Variants in CPLANE1 observed in about 807,000 individuals in gnomAD.
CPLANE1 encodes the protein ciliogenesis and planar polarity effector complex subunit 1.
In CPLANE1, 263 loss-of-function variants were observed where a neutral mutation model predicts 362.5. The ratio of observed to expected loss-of-function variants is 0.73; its 90% CI spans 0.66 to 0.80. The LOEUF (loss-of-function observed/expected upper bound fraction) is 0.80. CPLANE1 is among the 30% of genes least tolerant of loss of function. CPLANE1 has a pLI of 0.00. For synonymous variants in CPLANE1, 1,212 were observed against 1,302.6 expected, an observed-to-expected ratio of 0.93 and a Z score of 1.50; for missense variants, 3,461 against 3,793.4, an observed-to-expected ratio of 0.91 and a Z score of 2.30.
intron 16 of CPLANE1, chr5:37,212,288 C>A: frequency 8.8e-7 from 1 of 1,142,516 alleles, no homozygotes; most frequent in Non-Finnish European, 1.3e-6. Flanking sequence ...AAAAGATGGT[C>A]CAGGAAGGCT....
At chr5:37,236,881 A>G (rs1447536944) in intron 8 of CPLANE1, among the ~76,000 whole-genome samples, 1 of 152,210 alleles carries the variant, frequency 6.6e-6, no homozygotes, top group African/African-American at 2.4e-5. Flanking sequence ...CATACCAGTC[A>G]GAATGGCTAT....
intron 20 of CPLANE1, among the ~76,000 whole-genome samples, chr5:37,196,573 C>A (rs1787516932): frequency 6.6e-6 from 1 of 152,144 alleles, no homozygotes; most frequent in African/African-American, 2.4e-5. Context: ...TTAAAATAAG[C>A]AAACACATGT....
Position 37,187,798 on chromosome 5 carries a change from GGACAT to G in CPLANE1, c.3851_3855del (p.His1284ProfsTer2). 2 of 1,613,562 alleles carry G rather than the reference GGACAT, an allele frequency of 1.2e-6. No homozygotes were observed. Among genetic ancestry groups the G allele is most frequent in the Non-Finnish European group, 1.7e-6 (2 of 1,179,830 alleles). Reference sequence around the variant, plus strand: ...CTGCAACTATAGGATAACTTATCACGGACATGCAGCATCCAACACAGAGCACAAAG... The same window carrying G: ...CTGCAACTATAGGATAACTTATCACGGCAGCATCCAACACAGAGCACAAAG... On this transcript the variant is annotated frameshift_variant, in exon 22 of 53. Transcript: ENST00000651892.
chr5:37,077,407 G>T, the CPLANE1 span, among the ~76,000 whole-genome samples: 1 of 151,990 alleles, frequency 6.6e-6, no homozygotes, highest in African/African-American at 2.4e-5. Context: ...TACGTCTGTT[G>T]CTGCTGCTTT....
intron 38 of CPLANE1, among the ~76,000 whole-genome samples, chr5:37,159,413 A>G (rs1776244196): frequency 6.6e-6 from 1 of 152,224 alleles, no homozygotes; most frequent in Non-Finnish European, 1.5e-5. Flanking sequence ...GCCCGGCCTA[A>G]TTCACATTCT....
chr5:37,150,328 T>C (rs1248487050), intron 42 of CPLANE1, among the ~76,000 whole-genome samples: 1 of 152,172 alleles, frequency 6.6e-6, no homozygotes, highest in African/African-American at 2.4e-5. Context: ...TTCTCCTCCA[T>C]GTGCTCTCCC....
intron 41 of CPLANE1, among the ~76,000 whole-genome samples, chr5:37,154,954 C>G (rs1202233680): frequency 2.0e-5 from 3 of 152,196 alleles, no homozygotes; most frequent in Admixed American, 1.3e-4. Flanking sequence ...GTTTCACAAG[C>G]CAGAGACCAG....
At chr5:37,164,138 TG>T in intron 37 of CPLANE1, 134 bp downstream of exon 37, 1 of 622,598 alleles carries the variant, frequency 1.6e-6, no homozygotes, top group Non-Finnish European at 2.9e-6. Flanking sequence ...TTGAGGGGGG[TG>T]GAGTATAGGA....
At chr5:37,139,801 T>C in intron 44 of CPLANE1, 1 of 952,856 alleles carries the variant, frequency 1.0e-6, no homozygotes, top group Non-Finnish European at 1.2e-6. Context: ...TCACCTGCCT[T>C]GGCCTCCCAA....
Position 37,158,300 on chromosome 5 carries a change from T to A in CPLANE1, c.7736A>T (p.Tyr2579Phe). The A allele has an allele frequency of 6.2e-7, 1 of 1,613,918 alleles. No homozygotes were observed. The highest frequency in any genetic ancestry group is 8.5e-7 in the Non-Finnish European group (1 of 1,179,902). ...TAPQLLVPDV[Y>F]LNLKLSSEMS... Reference sequence around the variant, plus strand: ...TTCACTGGAAAGCTTCAGATTTAGATAGACATCTGGGACCAAGAGCTGAGG... The same window carrying A: ...TTCACTGGAAAGCTTCAGATTTAGAAAGACATCTGGGACCAAGAGCTGAGG... The change falls in exon 39 of 53, where the codon TAT (tyrosine) becomes TTT (phenylalanine). Residue 2579 changes from tyrosine to phenylalanine, a missense_variant. Tyr to Phe is a conservative substitution (Grantham distance 22). Transcript: ENST00000651892.
chr5:37,230,123 C>T (rs1369810372), intron 9 of CPLANE1, among the ~76,000 whole-genome samples: 1 of 149,392 alleles, frequency 6.7e-6, no homozygotes, highest in Non-Finnish European at 1.5e-5. Flanking sequence ...TGCAGTGAGC[C>T]GAGATCACAC....
At chr5:37,157,250 G>A (rs1052550845) in intron 41 of CPLANE1, 63 bp downstream of exon 41, 4 of 1,019,678 alleles carry the variant, frequency 3.9e-6, no homozygotes, top group East Asian at 5.1e-5. Flanking sequence ...CCAAATTTTG[G>A]TGCTTGTTTC....
chr5:37,190,006 A>G (rs1294213307), intron 21 of CPLANE1, among the ~76,000 whole-genome samples: 3 of 152,130 alleles, frequency 2.0e-5, no homozygotes, highest in Admixed American at 6.6e-5. Context: ...TCTCAAAAAA[A>G]AAAAGAAAAG....
intron 42 of CPLANE1, among the ~76,000 whole-genome samples, chr5:37,151,805 T>C (rs2150580230): frequency 6.6e-6 from 1 of 152,130 alleles, no homozygotes; most frequent in East Asian, 1.9e-4. Flanking sequence ...TCCCAGTACT[T>C]TGGGAGGCTG....
In CPLANE1 at chr5:37,183,354, G is replaced by A; in HGVS notation, c.4827C>T (p.Ser1609=). The A allele has an allele frequency of 6.2e-7, 1 of 1,612,384 alleles. No individual in the cohort carries two copies. Among genetic ancestry groups the A allele is most frequent in the African/African-American group, 1.3e-5 (1 of 74,884 alleles). ...AAGAACCAGCTCTAAACACATTCTG[G>A]CTTTTAGTTTTGCTCTGATGTCGTT... ...TLKRHQSKTK[S]QNVFRAGSCF... The change falls in exon 26 of 53, where the codon AGC becomes AGT. Residue 1609 remains serine (S), a synonymous_variant. Transcript: ENST00000651892.
chr5:37,214,793 T>C (rs1561629847), intron 15 of CPLANE1, among the ~76,000 whole-genome samples: 1 of 152,144 alleles, frequency 6.6e-6, no homozygotes, highest in South Asian at 2.1e-4. Context: ...TCATCACGTT[T>C]AGTGCAGTAC....
chr5:37,160,277 C>T (rs911550266), intron 38 of CPLANE1, among the ~76,000 whole-genome samples: 7 of 152,014 alleles, frequency 4.6e-5, no homozygotes, highest in African/African-American at 1.2e-4. Context: ...TTCTCAGTTC[C>T]GATGTGGTGG....
At chr5:37,142,086 A>T in intron 44 of CPLANE1, 1 of 999,390 alleles carries the variant, frequency 1.0e-6, no homozygotes, top group Non-Finnish European at 1.3e-6. Context: ...CATATTAATA[A>T]GTTACACCAA....
chr5:37,211,423 C>T (rs924072191), intron 16 of CPLANE1: 26 of 1,509,686 alleles, frequency 1.7e-5, no homozygotes, highest in Middle Eastern at 3.6e-4. Flanking sequence ...TCCAGTTCCC[C>T]GGAAAGACGT....
Sources: allele counts gnomAD v4.1 joint callset (sites outside exome capture counted in the v4.1 genomes callset), GRCh38; gene constraint gnomAD v4.1.1; transcripts MANE v1.5; gene names NCBI Gene and HGNC (gene_info 2026-07-23, HGNC 2026-07-21).